The following SDHAF4 variants were observed in gnomAD, a reference collection of about 807,000 sequenced individuals.
SDHAF4 encodes the protein succinate dehydrogenase assembly factor 4, mitochondrial.
Under a neutral mutation model 14.3 loss-of-function variants are expected in SDHAF4, and 14 were observed. The ratio of observed to expected loss-of-function variants is 0.98; its 90% CI spans 0.65 to 1.53. The LOEUF is 1.53. Ranked by LOEUF, SDHAF4 falls within the 40% of genes most tolerant of loss-of-function variation. The pLI is 0.00. For synonymous variants in SDHAF4, 63 were observed against 47.3 expected, an observed-to-expected ratio of 1.33 and a Z score of -1.36; for missense variants, 141 against 129.3, an observed-to-expected ratio of 1.09 and a Z score of -0.44.
intron 2 of SDHAF4, among the ~76,000 whole-genome samples, chr6:70,585,679 A>G (rs1765186789): frequency 6.6e-6 from 1 of 152,264 alleles, no homozygotes; most frequent in Non-Finnish European, 1.5e-5. Flanking sequence ...GGAGTAGGAA[A>G]AAGCCAACTT....
intron 1 of SDHAF4, among the ~76,000 whole-genome samples, chr6:70,572,952 T>C (rs1802203701): frequency 6.6e-6 from 1 of 152,190 alleles, no homozygotes; most frequent in South Asian, 2.1e-4. Flanking sequence ...TGTATTCTTA[T>C]CTCCCACTTT....
chr6:70,581,891 G>A (rs527820985), intron 2 of SDHAF4, among the ~76,000 whole-genome samples: 1 of 152,158 alleles, frequency 6.6e-6, no homozygotes, highest in Non-Finnish European at 1.5e-5. Flanking sequence ...TTACAAGTAT[G>A]AGCCACCATT....
At chr6:70,573,278 T>TTTTTTTTTTTG in intron 1 of SDHAF4, among the ~76,000 whole-genome samples, 1 of 146,922 alleles carries the variant, frequency 6.8e-6, no homozygotes, top group African/African-American at 2.6e-5. Context: ...TTTTTTTTTT[T>TTTTTTTTTTTG]TTTGAGACGG....
chr6:70,568,569 T>TA (rs1291816625), intron 1 of SDHAF4, among the ~76,000 whole-genome samples: 2 of 152,224 alleles, frequency 1.3e-5, no homozygotes, highest in African/African-American at 4.8e-5. Context: ...TGTGTGAACA[T>TA]ATGATGCATT....
downstream of SDHAF4, among the ~76,000 whole-genome samples, chr6:70,590,896 G>A (rs73488113): frequency 5.6e-3 from 858 of 152,252 alleles, 4 homozygotes; most frequent in African/African-American, 0.02. Context: ...AGCCAGTGGT[G>A]TGAATCAGTC....
At chr6:70,578,436 G>A (rs1802282865) in intron 1 of SDHAF4, among the ~76,000 whole-genome samples, 1 of 152,082 alleles carries the variant, frequency 6.6e-6, no homozygotes, top group South Asian at 2.1e-4. Context: ...TTTGCTTGTT[G>A]AGTTGTTTAA....
At chr6:70,572,612 A>T (rs1004893083) in intron 1 of SDHAF4, among the ~76,000 whole-genome samples, 2 of 151,228 alleles carry the variant, frequency 1.3e-5, no homozygotes, top group East Asian at 3.9e-4. Context: ...GTTTTTATTC[A>T]TTTTTTTCTT....
At chr6:70,581,310 G>A (rs1346663449) in intron 2 of SDHAF4, among the ~76,000 whole-genome samples, 1 of 139,846 alleles carries the variant, frequency 7.2e-6, no homozygotes, top group Non-Finnish European at 1.5e-5. Flanking sequence ...TTTTACCACA[G>A]TAAAAAAAAA....
intron 2 of SDHAF4, among the ~76,000 whole-genome samples, chr6:70,584,277 A>G (rs1196963702): frequency 6.6e-6 from 1 of 152,144 alleles, no homozygotes; most frequent in Non-Finnish European, 1.5e-5. Flanking sequence ...GGCCTCCCAC[A>G]GTGCTGGGGT....
intron 1 of SDHAF4, among the ~76,000 whole-genome samples, chr6:70,578,282 T>G (rs1228722346): frequency 6.6e-6 from 1 of 152,242 alleles, no homozygotes; most frequent in Non-Finnish European, 1.5e-5. Flanking sequence ...TGATGTGACA[T>G]GGTCTCTCAT....
At chr6:70,576,773 T>G (rs763664702) in intron 1 of SDHAF4, among the ~76,000 whole-genome samples, 3 of 152,252 alleles carry the variant, frequency 2.0e-5, no homozygotes, top group Non-Finnish European at 4.4e-5. Flanking sequence ...TTGTCCCGTT[T>G]ACTCAGCAAT....
At chr6:70,587,168 T>TCACACACACA (rs56012930) in intron 2 of SDHAF4, among the ~76,000 whole-genome samples, 3,238 of 135,514 alleles carry the variant, frequency 0.024, 60 homozygotes, top group Admixed American at 0.058. Context: ...TGAAACTCCA[T>TCACACACACA]CACACACACA....
intron 1 of SDHAF4, among the ~76,000 whole-genome samples, chr6:70,575,802 G>A (rs1372427512): frequency 6.6e-6 from 1 of 151,526 alleles, no homozygotes; most frequent in Non-Finnish European, 1.5e-5. Flanking sequence ...TTATGTCCAT[G>A]TAAACACAAT....
chr6:70,579,973 G>A (rs1802300308), intron 2 of SDHAF4, among the ~76,000 whole-genome samples: 1 of 151,882 alleles, frequency 6.6e-6, no homozygotes, highest in South Asian at 2.1e-4. Flanking sequence ...ATATATAAAG[G>A]ACTCCAATAA....
At chr6:70,583,201 C>T (rs1765155056) in intron 2 of SDHAF4, among the ~76,000 whole-genome samples, 2 of 152,220 alleles carry the variant, frequency 1.3e-5, no homozygotes, top group African/African-American at 2.4e-5. Context: ...CAACCTCCGC[C>T]TCCCGGGTTC....
chr6:70,594,371 A>G (rs1011306655), downstream of SDHAF4, among the ~76,000 whole-genome samples: 2 of 152,212 alleles, frequency 1.3e-5, no homozygotes, highest in Non-Finnish European at 2.9e-5. Flanking sequence ...AAATCCAACT[A>G]TGCTATTTGA....
chr6:70,582,850 T>C (rs987188153), intron 2 of SDHAF4, among the ~76,000 whole-genome samples: 2 of 152,206 alleles, frequency 1.3e-5, no homozygotes, highest in South Asian at 2.1e-4. Context: ...TAGTCTTGTC[T>C]CCCTGCCTCT....
At position 70,582,720 on chromosome 6, in the gene SDHAF4, T is replaced by C. The variant is rs182900537; in HGVS notation, c.217+3154T>C. On this transcript the variant is annotated intron_variant, in intron 2 of 2. Transcript: ENST00000370474. Reference sequence around the variant, plus strand: ...TAACCAAGTCCTGTTGCTTCTACCCTTTTAACATCTCTCAAATTTATTCCC... The same window carrying C: ...TAACCAAGTCCTGTTGCTTCTACCCCTTTAACATCTCTCAAATTTATTCCC... 3.5e-3 allele frequency among the ~76,000 whole-genome samples: 534 copies of C among 152,240 alleles called. 7 individuals carry two copies. Among genetic ancestry groups the C allele is most frequent in the African/African-American group, 0.012 (517 of 41,542 alleles).
chr6:70,577,563 C>T (rs566200205), intron 1 of SDHAF4, among the ~76,000 whole-genome samples: 26 of 152,122 alleles, frequency 1.7e-4, no homozygotes, highest in Non-Finnish European at 2.9e-4. Flanking sequence ...TTTTAAAATC[C>T]GAAGTTTTAT....
Sources: gnomAD v4.1 joint callset for allele counts (sites outside exome capture counted in the v4.1 genomes callset) on GRCh38, gnomAD v4.1.1 for gene constraint, MANE v1.5 for transcripts, NCBI Gene and HGNC (gene_info 2026-07-23, HGNC 2026-07-21) for gene names.